COL5A1: variants seen among roughly 807,000 people sequenced by gnomAD.
COL5A1 encodes the protein collagen type V alpha 1 chain.
COL5A1 carries 16 observed loss-of-function variants against 263.7 expected under a neutral mutation model. The observed-to-expected ratio is 0.06, with a 90% CI of 0.04 to 0.09. COL5A1 has a LOEUF of 0.09. COL5A1 is among the 10% of genes least tolerant of loss of function. The pLI is 1.00. For missense variants in COL5A1, 2,036 were observed against 2,540.5 expected (o/e 0.80, Z 4.27); for synonymous variants, 1,012 against 1,004.5 (o/e 1.01, Z -0.14).
At chr9:134,748,899 C>A (rs147079738) in intron 11 of COL5A1, among the ~76,000 whole-genome samples, 53 of 152,206 alleles carry the variant, frequency 3.5e-4, no homozygotes, top group African/African-American at 1.2e-3. Flanking sequence ...CAGAGACAGG[C>A]CATGATTTCA....
At chr9:134,776,869 G>A (rs941011793) in intron 27 of COL5A1, among the ~76,000 whole-genome samples, 3 of 152,156 alleles carry the variant, frequency 2.0e-5, no homozygotes, top group African/African-American at 4.8e-5. Flanking sequence ...TGATGGTCCC[G>A]TCTCACTGTG....
intron 1 of COL5A1, among the ~76,000 whole-genome samples, chr9:134,667,471 G>A (rs1486550321): frequency 1.1e-4 from 16 of 152,208 alleles, no homozygotes; most frequent in African/African-American, 3.9e-4. Context: ...TGGAAGTGGT[G>A]TGGCCGGTGA....
Position 134,741,542 on chromosome 9 carries a change from TG to T in COL5A1, c.1494+2739del, listed in dbSNP as rs1273628459. On this transcript the variant is annotated intron_variant, in intron 11 of 65. Coordinates refer to ENST00000371817, the MANE Select transcript of COL5A1 (RefSeq NM_000093.5). The surrounding 1 kb of genome is among the most constrained non-coding windows in gnomAD (Gnocchi z 4.5). Reference sequence around the variant, plus strand: ...GCAAAGTCTGTTGATGCAGATTCACTGGGGGCTGGCCTCCCTCTCAGGTGAT... The same window carrying T: ...GCAAAGTCTGTTGATGCAGATTCACTGGGGCTGGCCTCCCTCTCAGGTGAT... Among the ~76,000 whole-genome samples the T allele has an allele frequency of 6.7e-6, 1 of 149,824 alleles. No individual in the cohort carries two copies. Among genetic ancestry groups the T allele is most frequent in the African/African-American group, 2.5e-5 (1 of 40,536 alleles).
chr9:134,753,925 G>T (rs767939348), intron 15 of COL5A1, 22 bp downstream of exon 15: 1 of 1,607,880 alleles, frequency 6.2e-7, no homozygotes, highest in Admixed American at 1.7e-5. Context: ...CCTTGCCTTC[G>T]CTGTCTGGTG....
Position 134,801,978 on chromosome 9 carries a change from C to A in COL5A1, c.2977C>A (p.Pro993Thr). 6.2e-7 allele frequency: 1 copy of A among 1,613,468 alleles called. No homozygotes were observed. The highest frequency in any genetic ancestry group is 1.1e-5 in the South Asian group (1 of 91,082). Residue 993 changes from proline to threonine, a missense_variant, in exon 38 of 66, where the codon CCA (proline) becomes ACA (threonine). Pro to Thr is a conservative substitution (Grantham distance 38). Transcript: ENST00000371817. ...ETGFQGKTGP[P>T]GPPGVVGPQG... Reference sequence around the variant, plus strand: ...GGGTTTCCAAGGCAAGACCGGCCCTCCAGGCCCCCCCGGCGTGGTCGGCCC... The same window carrying A: ...GGGTTTCCAAGGCAAGACCGGCCCTACAGGCCCCCCCGGCGTGGTCGGCCC...
chr9:134,799,219 C>T (rs752095203), intron 37 of COL5A1, among the ~76,000 whole-genome samples: 13 of 152,208 alleles, frequency 8.5e-5, no homozygotes, highest in Admixed American at 1.3e-4. Flanking sequence ...AGAAAAAGCC[C>T]TCATCAGAAA....
intron 32 of COL5A1, among the ~76,000 whole-genome samples, chr9:134,790,573 T>C (rs1246930075): frequency 4.0e-4 from 22 of 55,406 alleles, no homozygotes; most frequent in Admixed American, 8.0e-4. Flanking sequence ...CACCCACCCA[T>C]CCATCCATCC....
intron 1 of COL5A1, among the ~76,000 whole-genome samples, chr9:134,667,022 T>A (rs1832381386): frequency 6.6e-6 from 1 of 152,208 alleles, no homozygotes; most frequent in South Asian, 2.1e-4. Context: ...GGGTCTGGCA[T>A]TGATCTCTAG....
intron 50 of COL5A1, among the ~76,000 whole-genome samples, chr9:134,815,162 C>T (rs1429383556): frequency 3.9e-5 from 6 of 152,236 alleles, no homozygotes; most frequent in Non-Finnish European, 8.8e-5. Flanking sequence ...CTGAGATGCA[C>T]GAGTGACAGC....
In COL5A1 at chr9:134,811,379, A is replaced by C; in HGVS notation, c.3569A>C (p.Gln1190Pro). Residue 1190 changes from glutamine (Q) to proline (P), a missense_variant, in exon 45 of 66, where the codon CAG (glutamine) becomes CCG (proline). Gln to Pro is a moderately conservative substitution (Grantham distance 76). Transcript: ENST00000371817. ...GPTGPQGPIG[Q>P]PGPSGADGEP... ...ACAGGTCCTCAAGGCCCCATCGGAC[A>C]GCCAGGCCCCTCTGTGAGTATCCAT... 6.2e-7 allele frequency: 1 copy of C among 1,613,614 alleles called. No homozygotes were observed. The highest frequency in any genetic ancestry group is 1.1e-5 in the South Asian group (1 of 91,052).
chr9:134,717,082 A>T (rs1027921795), intron 4 of COL5A1, among the ~76,000 whole-genome samples: 1 of 151,996 alleles, frequency 6.6e-6, no homozygotes, highest in Non-Finnish European at 1.5e-5. Context: ...CGGATGAAGA[A>T]CATCAAAGCG....
chr9:134,842,856 G>A lies in COL5A1; in HGVS notation c.*553G>A, dbSNP rs1009816574. On this transcript the variant is annotated 3_prime_UTR_variant, in exon 66 of 66. Coordinates refer to ENST00000371817, the MANE Select transcript of COL5A1 (RefSeq NM_000093.5). This position sits in a 1 kb window ranked among gnomAD's most constrained non-coding sequence, Gnocchi z 5.8. ...GCAGGTGCCTTCCCGATGGATTAAAGGTGCTTATGTTTTTGTGAGTTTTAA... is the reference window on the plus strand; with the variant it reads ...GCAGGTGCCTTCCCGATGGATTAAAAGTGCTTATGTTTTTGTGAGTTTTAA... 4 of 165,724 alleles carry A rather than the reference G, an allele frequency of 2.4e-5. No individual in the cohort carries two copies. The South Asian group carries it at 6.8e-4, about 28-fold the overall frequency. The allele number at this position is 165,724 out of a possible 1,614,324, so 10.3% of individuals were successfully genotyped here. A position where few individuals can be genotyped will look rare whatever the true frequency, so the allele number is the denominator to read the frequency against.
In COL5A1 at chr9:134,821,990, TG is replaced by T; in HGVS notation, c.4555-103del. On this transcript the variant is annotated intron_variant, in intron 58 of 65. Coordinates refer to ENST00000371817, the MANE Select transcript of COL5A1 (RefSeq NM_000093.5). The surrounding 1 kb of genome is among the most constrained non-coding windows in gnomAD (Gnocchi z 4.2). ...TGCTGAGGGGCCAAAGGGCATACCG[TG>T]GGGAAGGGACAGGGGAGCCGAGGGG... The T allele has an allele frequency of 1.0e-6, 1 of 963,424 alleles. No homozygotes were observed. Among genetic ancestry groups the T allele is most frequent in the Non-Finnish European group, 1.7e-6 (1 of 590,368 alleles). The allele number at this position is 963,424 out of a possible 1,614,324, so 59.7% of individuals were successfully genotyped here.
At chr9:134,694,399 G>A (rs1305221340) in intron 2 of COL5A1, among the ~76,000 whole-genome samples, 1 of 152,226 alleles carries the variant, frequency 6.6e-6, no homozygotes, top group Non-Finnish European at 1.5e-5. Flanking sequence ...AGAGTGATCT[G>A]GGTGCCAGGG....
intron 1 of COL5A1, among the ~76,000 whole-genome samples, chr9:134,684,894 C>G (rs948301349): frequency 2.0e-5 from 3 of 152,136 alleles, no homozygotes; most frequent in Non-Finnish European, 4.4e-5. Flanking sequence ...ATCCATCCAT[C>G]CACCATCTAT....
At position 134,740,361 on chromosome 9, in the gene COL5A1, C is replaced by T. The variant is rs970912371; in HGVS notation, c.1494+1553C>T. Among the ~76,000 whole-genome samples the T allele has an allele frequency of 4.6e-5, 7 of 152,342 alleles. No homozygotes were observed. The East Asian group carries it at 5.8e-4, about 13-fold the overall frequency. On this transcript the variant is annotated intron_variant, in intron 11 of 65. Transcript: ENST00000371817. ...CTGGAGACCCCTTCCCCCAGATTCGCGTGAGATGGGGCAACGGCCAAGCTC... is the reference window on the plus strand; with the variant it reads ...CTGGAGACCCCTTCCCCCAGATTCGTGTGAGATGGGGCAACGGCCAAGCTC...
At chr9:134,805,891 G>A (rs1398826288) in intron 41 of COL5A1, among the ~76,000 whole-genome samples, 1 of 152,096 alleles carries the variant, frequency 6.6e-6, no homozygotes, top group South Asian at 2.1e-4. Context: ...TGCCCCGTGG[G>A]CAGACCCTCA....
At chr9:134,760,869 GCA>G (rs550250107) in intron 18 of COL5A1, among the ~76,000 whole-genome samples, 1 of 127,626 alleles carries the variant, frequency 7.8e-6, no homozygotes, top group African/African-American at 3.1e-5. Context: ...ACCCACACAT[GCA>G]CACAGACGCA....
At chr9:134,685,226 C>CCA (rs1564386108) in intron 1 of COL5A1, among the ~76,000 whole-genome samples, 1 of 25,834 alleles carries the variant, frequency 3.9e-5, no homozygotes. Flanking sequence ...CATCCATTCA[C>CCA]CCATCCATCC....
Sources: gnomAD v4.1 joint callset for allele counts (sites outside exome capture counted in the v4.1 genomes callset) on GRCh38, gnomAD v4.1.1 for gene constraint, Gnocchi (gnomAD v3.1) non-coding constraint, MANE v1.5 for transcripts, NCBI Gene and HGNC (gene_info 2026-07-23, HGNC 2026-07-21) for gene names.